The following PES1 variants were observed in gnomAD, a reference collection of about 807,000 sequenced individuals.
The protein encoded by PES1 is pescadillo homolog.
PES1 carries 31 observed loss-of-function variants against 77.1 expected under a neutral mutation model. The observed-to-expected ratio is 0.40, with a 90% CI of 0.30 to 0.54. The LOEUF is 0.54. PES1 is among the 20% of genes least tolerant of loss of function. PES1 has a pLI of 0.45. For synonymous variants in PES1, 282 were observed against 303.0 expected, an observed-to-expected ratio of 0.93 and a Z score of 0.72; for missense variants, 658 against 771.7, an observed-to-expected ratio of 0.85 and a Z score of 1.75.
In PES1 at chr22:30,581,422, G is replaced by A. The variant is rs368797605; in HGVS notation, c.748-14C>T. The A allele has an allele frequency of 1.9e-6, 3 of 1,613,496 alleles. No homozygotes were observed. The highest frequency in any genetic ancestry group is 1.3e-5 in the African/African-American group (1 of 75,070). On this transcript the variant is annotated splice_polypyrimidine_tract_variant and intron_variant, in intron 7 of 14. Coordinates refer to ENST00000354694, the MANE Select transcript of PES1 (RefSeq NM_014303.4). Reference sequence around the variant, plus strand: ...CTGACCCTCGAGCTAGTAGGCAAAGGGAAGGTCAGGAGGCAGAGGACAGCC... The same window carrying A: ...CTGACCCTCGAGCTAGTAGGCAAAGAGAAGGTCAGGAGGCAGAGGACAGCC...
rs149717169 is a variant in PES1, at chr22:30,580,120, C to T, written c.1102G>A (p.Val368Ile). ...KSLCIGATYD[V>I]TDSRITHQIV... is the part of the protein sequence containing the mutation. ...TGATGGGTGATGCGGGAGTCTGTGA[C>T]GTCATAGGTGGCCCCAATGCACAAA... The change falls in exon 11 of 15, where the codon GTC becomes ATC. Residue 368 changes from valine (V) to isoleucine (I), a missense_variant. Coordinates refer to ENST00000354694, the MANE Select transcript of PES1 (RefSeq NM_014303.4). The T allele has an allele frequency of 5.2e-4, 838 of 1,614,086 alleles. 4 individuals are homozygous for T. In the African/African-American group the frequency reaches 9.5e-3, roughly 18 times the overall value.
At chr22:30,594,664 G>A (rs2087229751), upstream of PES1, among the ~76,000 whole-genome samples, 1 of 141,138 alleles carries the variant, frequency 7.1e-6, no homozygotes, top group South Asian at 2.3e-4. Context: ...ACTGTGCCCC[G>A]CCTTAAAAAA....
rs2087161137 is a variant in PES1, at chr22:30,590,553, G to C, written c.24+1257C>G. Among the ~76,000 whole-genome samples the C allele has an allele frequency of 2.0e-5, 3 of 152,278 alleles. No individual in the cohort carries two copies. In the South Asian group the frequency reaches 6.2e-4, roughly 32 times the overall value. On this transcript the variant is annotated intron_variant, in intron 1 of 14. Transcript: ENST00000354694. The stretch of plus-strand genomic sequence containing the variant: ...GTTTCAGACTGCCTTAAGAAGTTGA[G>C]TTTTCATTTATAGCGTTTTCCATTA...
chr22:30,577,641 C>A (rs1168316004), intron 14 of PES1, among the ~76,000 whole-genome samples: 1 of 152,142 alleles, frequency 6.6e-6, no homozygotes, highest in Non-Finnish European at 1.5e-5. Context: ...CAGGTGTGCA[C>A]CACCATGCGT....
intron 12 of PES1, chr22:30,579,532 T>A: frequency 1.4e-6 from 1 of 712,398 alleles, no homozygotes; most frequent in Non-Finnish European, 2.3e-6. Flanking sequence ...TAAACTCTGA[T>A]GACAATGCAG....
Position 30,589,079 on chromosome 22 carries a change from A to C in PES1, c.104+112T>G. The C allele has an allele frequency of 4.2e-6, 3 of 718,832 alleles. 1 individual carries two copies. In the South Asian group the frequency reaches 5.3e-5, roughly 13 times the overall value. The allele number at this position is 718,832 out of a possible 1,614,324, so 44.5% of individuals were successfully genotyped here. ...TAAAGCAAGGGCGGTGAGAAAGAGA[A>C]GGAATACCAGAACCCCAGAATGGGT... On this transcript the variant is annotated intron_variant, in intron 2 of 14. Transcript: ENST00000354694.
intron 6 of PES1, 102 bp downstream of exon 6, chr22:30,584,263 A>G: frequency 2.2e-6 from 2 of 912,904 alleles, no homozygotes; most frequent in Non-Finnish European, 3.5e-6. Flanking sequence ...TTGGGAACCC[A>G]GCACTTGCTA....
At chr22:30,586,974 C>G in intron 4 of PES1, 1 of 325,538 alleles carries the variant, frequency 3.1e-6, no homozygotes, top group East Asian at 6.7e-5. Context: ...ACCAGGTACC[C>G]GTCGTGCCTT....
rs909924580 is a variant in PES1 at position 30,598,657 on chromosome 22, T to A, written c.-660-6259A>T. Among the ~76,000 whole-genome samples, 22 of 151,886 alleles carry A rather than the reference T, an allele frequency of 1.4e-4. 4 individuals carry two copies. Among genetic ancestry groups the A allele is most frequent in the Admixed American group, 1.3e-3 (20 of 15,228 alleles). On this transcript the variant is annotated intron_variant, in intron 2 of 16. Transcript: ENST00000402281. ...CTGGCCAGGCTGGTATTGAACTCCTTACCTTAAGTGACCCCCGCACCTCGG... is the reference window on the plus strand; with the variant it reads ...CTGGCCAGGCTGGTATTGAACTCCTAACCTTAAGTGACCCCCGCACCTCGG...
At position 30,584,543 on chromosome 22, in the gene PES1, C is replaced by G; in HGVS notation, c.540+3G>C. On this transcript the variant is annotated splice_donor_region_variant and intron_variant, in intron 5 of 14. Transcript: ENST00000354694. ...GATGCCAGCCGGGCAGTCCCAGGCT[C>G]ACCTTGCGCAGGGCACGGGCAGCGA... 6.2e-7 allele frequency: 1 copy of G among 1,610,298 alleles called. No individual in the cohort carries two copies. Among genetic ancestry groups the G allele is most frequent in the Non-Finnish European group, 8.5e-7 (1 of 1,178,258 alleles).
At chr22:30,579,969 G>A (rs1387991554) in intron 11 of PES1, 34 bp from the exon 12 acceptor site, 1 of 1,611,556 alleles carries the variant, frequency 6.2e-7, no homozygotes, top group Admixed American at 1.7e-5. Flanking sequence ...ACGAGTCACA[G>A]AGGGCAACTC....
rs150654511 is a variant in PES1, at chr22:30,579,226, C to T, written c.1432G>A (p.Glu478Lys). The stretch of plus-strand genomic sequence containing the variant: ...GCCTCTGCATCTTCCTCCTCCTCCT[C>T]ATTTTCTCCCTCTTCATCACCATCA... ...EGDGDEEGEN[E>K]EEEEDAEAGS... The change falls in exon 13 of 15, where the codon GAG (glutamate) becomes AAG (lysine). Residue 478 changes from glutamate to lysine, a missense_variant. By Grantham distance (56) the Glu-to-Lys change is moderately conservative (BLOSUM62 1). Transcript: ENST00000354694. 5 of 1,605,066 alleles carry T rather than the reference C, an allele frequency of 3.1e-6. No homozygotes were observed. The highest frequency in any genetic ancestry group is 4.2e-6 in the Non-Finnish European group (5 of 1,178,504).
Position 30,602,567 on chromosome 22 carries a change from A to G in PES1, c.-661+2894T>C, listed in dbSNP as rs563555691. 2.7e-5 allele frequency among the ~76,000 whole-genome samples: 4 copies of G among 149,096 alleles called. No homozygotes were observed. The East Asian group carries it at 5.9e-4, about 22-fold the overall frequency. On this transcript the variant is annotated intron_variant, in intron 2 of 16. Coordinates refer to the PES1 transcript ENST00000402281. ...TTTCCTTTTTTTCTTTTCTTTTGAT[A>G]AAGATAGGGGCTCACTATGTTGCCC...
chr22:30,587,935 G>A, intron 3 of PES1, 86 bp downstream of exon 3: 1 of 1,346,348 alleles, frequency 7.4e-7, no homozygotes, highest in Middle Eastern at 2.6e-4. Context: ...CTCAGAGAGG[G>A]TAGGCAATCT....
chr22:30,577,149 G>C lies in PES1; in HGVS notation c.1684-20C>G. ...GTTGGCCTGTGAGGGGGAAGGCGAA[G>C]GTCAGGCTGAGGTATGTGTAGAAGG... On this transcript the variant is annotated intron_variant, in intron 14 of 14. Coordinates refer to ENST00000354694, the MANE Select transcript of PES1 (RefSeq NM_014303.4). 2.5e-6 allele frequency: 4 copies of C among 1,608,814 alleles called. No individual in the cohort carries two copies. The highest frequency in any genetic ancestry group is 3.4e-6 in the Non-Finnish European group (4 of 1,176,766).
At chr22:30,592,084 C>G, upstream of PES1, 1 of 1,322,948 alleles carries the variant, frequency 7.6e-7, no homozygotes, top group South Asian at 2.2e-5. Context: ...GTTACAAACA[C>G]TTTAAGTGTT....
rs2087382326 is a variant in PES1, at chr22:30,603,060, A to C, written c.-661+2401T>G. Among the ~76,000 whole-genome samples, 4 of 151,720 alleles carry C rather than the reference A, an allele frequency of 2.6e-5. No individual in the cohort carries two copies. The South Asian group carries it at 8.3e-4, about 32-fold the overall frequency. On this transcript the variant is annotated intron_variant, in intron 2 of 16. Coordinates refer to the PES1 transcript ENST00000402281. The stretch of plus-strand genomic sequence containing the variant: ...CAAGTAGCTGGGACTACAGGAGCCC[A>C]CCACCAGGCGCAGCTAATTTTTGTA...
upstream of PES1, chr22:30,592,188 GA>G (rs2087192201): frequency 1.8e-6 from 2 of 1,081,368 alleles, no homozygotes; most frequent in South Asian, 7.5e-5. Flanking sequence ...GAGAGGGGCG[GA>G]AGGCTTAGGG....
chr22:30,580,704 G>A lies in PES1; in HGVS notation c.913-3C>T. 3 of 1,613,016 alleles carry A rather than the reference G, an allele frequency of 1.9e-6. No homozygotes were observed. The highest frequency in any genetic ancestry group is 2.5e-6 in the Non-Finnish European group (3 of 1,180,008). On this transcript the variant is annotated splice_polypyrimidine_tract_variant and splice_region_variant and intron_variant, in intron 9 of 14. Transcript: ENST00000354694. ...TCTTCCTCCTGCGCTGACATCTCCT[G>A]TTGAGAAAGGGGCCAGGCCTCGCAC...
Sources: gnomAD v4.1 joint callset for allele counts (sites outside exome capture counted in the v4.1 genomes callset) on GRCh38, gnomAD v4.1.1 for gene constraint, MANE v1.5 for transcripts, NCBI Gene and HGNC (gene_info 2026-07-23, HGNC 2026-07-21) for gene names.